TMCO5A: variants seen among roughly 807,000 people sequenced by gnomAD.
TMCO5A encodes the protein transmembrane and coiled-coil domain-containing protein 5A.
In TMCO5A, 34 loss-of-function variants were observed where a neutral mutation model predicts 42.3. The observed-to-expected ratio is 0.80, with a 90% CI of 0.61 to 1.07. The LOEUF (loss-of-function observed/expected upper bound fraction) is 1.07. Among genes scored for constraint, TMCO5A ranks in the 50% least tolerant of loss-of-function variants. TMCO5A has a pLI of 0.00. For synonymous variants in TMCO5A, 131 were observed against 115.6 expected, an observed-to-expected ratio of 1.13 and a Z score of -0.86; for missense variants, 357 against 327.9, an observed-to-expected ratio of 1.09 and a Z score of -0.69.
At chr15:37,976,244 T>G in the TMCO5A span, among the ~76,000 whole-genome samples, 1 of 141,748 alleles carries the variant, frequency 7.1e-6, no homozygotes, top group East Asian at 2.0e-4. Flanking sequence ...GACCCCATCT[T>G]AAAAAAAAAA....
intron 11 of TMCO5A, chr15:37,956,618 A>AC (rs1300388873): frequency 6.0e-6 from 1 of 167,042 alleles, no homozygotes; most frequent in Non-Finnish European, 1.3e-5. Flanking sequence ...CAACCAAAAA[A>AC]GTCCAGGACC....
At chr15:38,024,109 C>T in the TMCO5A span, among the ~76,000 whole-genome samples, 3 of 152,198 alleles carry the variant, frequency 2.0e-5, no homozygotes, top group African/African-American at 7.2e-5. Flanking sequence ...AAGCTTGGGC[C>T]TGATCAGCTG....
the TMCO5A span, among the ~76,000 whole-genome samples, chr15:38,017,736 C>T: frequency 6.6e-6 from 1 of 152,092 alleles, no homozygotes; most frequent in Non-Finnish European, 1.5e-5. Flanking sequence ...AGGCAGTCAT[C>T]TGAAAAGCAA....
chr15:37,942,846 TC>T (rs1305236459), intron 9 of TMCO5A: 1 of 153,830 alleles, frequency 6.5e-6, no homozygotes, highest in African/African-American at 2.4e-5. Context: ...CATCTCCATT[TC>T]TTGACCCCCT....
the TMCO5A span, among the ~76,000 whole-genome samples, chr15:38,012,865 G>C: frequency 1.3e-5 from 2 of 152,078 alleles, no homozygotes; most frequent in Non-Finnish European, 2.9e-5. Context: ...ATCATTTATA[G>C]GGGATTAGCT....
chr15:38,021,159 G>A, the TMCO5A span, among the ~76,000 whole-genome samples: 1 of 152,104 alleles, frequency 6.6e-6, no homozygotes, highest in African/African-American at 2.4e-5. Flanking sequence ...TTAAAATAAG[G>A]ACAGACTAAG....
chr15:37,944,907 G>A (rs934992612), intron 10 of TMCO5A, among the ~76,000 whole-genome samples: 5 of 152,012 alleles, frequency 3.3e-5, no homozygotes, highest in Non-Finnish European at 5.9e-5. Flanking sequence ...TGTGCAGGAT[G>A]TGCAGGTTTG....
At chr15:38,031,839 C>T in the TMCO5A span, among the ~76,000 whole-genome samples, 1 of 152,178 alleles carries the variant, frequency 6.6e-6, no homozygotes, top group Admixed American at 6.5e-5. Context: ...GCATTCTAGC[C>T]CTGCCATAGC....
the TMCO5A span, among the ~76,000 whole-genome samples, chr15:38,006,757 A>G: frequency 6.6e-6 from 1 of 152,170 alleles, no homozygotes; most frequent in African/African-American, 2.4e-5. Flanking sequence ...AATTCCATTC[A>G]TGTATTGGAA....
chr15:37,983,977 C>T, the TMCO5A span, among the ~76,000 whole-genome samples: 1 of 152,068 alleles, frequency 6.6e-6, no homozygotes, highest in Non-Finnish European at 1.5e-5. Context: ...AGGTGATCCA[C>T]CCACCTCGGT....
the TMCO5A span, among the ~76,000 whole-genome samples, chr15:38,017,933 T>A: frequency 2.0e-5 from 3 of 152,118 alleles, no homozygotes; most frequent in South Asian, 2.1e-4. Flanking sequence ...CGTGTGGCAC[T>A]TCCCCCTTCA....
At chr15:38,025,275 T>G in the TMCO5A span, among the ~76,000 whole-genome samples, 1 of 151,998 alleles carries the variant, frequency 6.6e-6, no homozygotes, top group Admixed American at 6.6e-5. Flanking sequence ...TTATAATAGA[T>G]TACCCCTTTC....
downstream of TMCO5A, among the ~76,000 whole-genome samples, chr15:37,969,116 T>C (rs1049414495): frequency 2.6e-5 from 4 of 152,146 alleles, no homozygotes; most frequent in African/African-American, 9.7e-5. Context: ...GAAGGAGTAA[T>C]TCTCCATGTC....
chr15:37,973,073 A>G, the TMCO5A span, among the ~76,000 whole-genome samples: 18 of 151,892 alleles, frequency 1.2e-4, no homozygotes, highest in Admixed American at 9.2e-4. Flanking sequence ...TTTGTCAAAG[A>G]TCAGACTATT....
rs74551056 is a variant in TMCO5A, at chr15:37,951,279, G to A, written c.*45G>A. 972 of 1,583,910 alleles carry A rather than the reference G, an allele frequency of 6.1e-4. 10 individuals carry two copies. The African/African-American group carries it at 0.012, about 19-fold the overall frequency. ...GAGCAATAGAAGGGAAGTGGGATCC[G>A]AGCCTGTAGAAGGGAGGCATGAAAC... On this transcript the variant is annotated 3_prime_UTR_variant, in exon 12 of 12. Coordinates refer to ENST00000319669, the MANE Select transcript of TMCO5A (RefSeq NM_152453.4).
the TMCO5A span, among the ~76,000 whole-genome samples, chr15:38,003,713 C>T: frequency 6.6e-6 from 1 of 152,090 alleles, no homozygotes; most frequent in Non-Finnish European, 1.5e-5. Flanking sequence ...ACCTGGCTAC[C>T]ACCATGTTCA....
At chr15:37,936,589 A>T in intron 3 of TMCO5A, 126 bp downstream of exon 3, 1 of 1,235,676 alleles carries the variant, frequency 8.1e-7, no homozygotes, top group Admixed American at 2.5e-5. Context: ...TTAATTTTTC[A>T]TTCTTTGACA....
intron 10 of TMCO5A, among the ~76,000 whole-genome samples, chr15:37,946,837 C>G (rs1435302893): frequency 2.0e-5 from 3 of 152,174 alleles, no homozygotes; most frequent in Admixed American, 6.6e-5. Context: ...ATTTGAATAG[C>G]CTTTATTTCT....
chr15:37,939,008 T>C (rs1239961571), intron 6 of TMCO5A, among the ~76,000 whole-genome samples: 1 of 152,134 alleles, frequency 6.6e-6, no homozygotes, highest in Non-Finnish European at 1.5e-5. Context: ...ATAAATTTTT[T>C]TATTATTATA....
Sources: allele counts gnomAD v4.1 joint callset (sites outside exome capture counted in the v4.1 genomes callset), GRCh38; gene constraint gnomAD v4.1.1; transcripts MANE v1.5; gene names NCBI Gene and HGNC (gene_info 2026-07-23, HGNC 2026-07-21).